HDAC4: variants seen among roughly 807,000 people sequenced by gnomAD.
HDAC4 encodes histone deacetylase 4.
HDAC4 carries 16 observed loss-of-function variants against 135.1 expected under a neutral mutation model. That is an observed-to-expected ratio of 0.12 (90% CI 0.08 to 0.18). The LOEUF (loss-of-function observed/expected upper bound fraction) is 0.18, where lower values mean the gene tolerates loss of function less well. HDAC4 is among the 10% of genes least tolerant of loss of function. The pLI is 1.00. For synonymous variants in HDAC4, 685 were observed against 653.4 expected (o/e 1.05, Z -0.74); for missense variants, 1,143 against 1,511.8 (o/e 0.76, Z 4.05).
chr2:239,204,089 G>C (rs1253143150), intron 3 of HDAC4, among the ~76,000 whole-genome samples: 1 of 152,186 alleles, frequency 6.6e-6, no homozygotes, highest in East Asian at 1.9e-4. Context: ...GAACAATGAA[G>C]CAGATTCTGG....
chr2:239,223,661 T>G (rs2047086572), intron 3 of HDAC4, among the ~76,000 whole-genome samples: 1 of 152,022 alleles, frequency 6.6e-6, no homozygotes, highest in Non-Finnish European at 1.5e-5. Flanking sequence ...GCCATCAGTG[T>G]CCTCATCATT....
chr2:239,168,764 C>T (rs1182019026), intron 5 of HDAC4, among the ~76,000 whole-genome samples: 4 of 152,206 alleles, frequency 2.6e-5, no homozygotes, highest in Admixed American at 1.3e-4. Flanking sequence ...CAGGGGCCTG[C>T]GGCCCTGCGT....
intron 3 of HDAC4, among the ~76,000 whole-genome samples, chr2:239,195,662 C>A (rs991319589): frequency 6.6e-6 from 1 of 152,190 alleles, no homozygotes; most frequent in African/African-American, 2.4e-5. Context: ...ACAATAAAAC[C>A]TTCTCTCCTT....
chr2:239,291,902 T>C (rs2051526743), intron 2 of HDAC4, among the ~76,000 whole-genome samples: 1 of 152,198 alleles, frequency 6.6e-6, no homozygotes, highest in Admixed American at 6.5e-5. Context: ...GAACCTTTGT[T>C]TGCAAGAGTT....
At chr2:239,325,042 A>C (rs1372153038) in intron 2 of HDAC4, among the ~76,000 whole-genome samples, 1 of 152,258 alleles carries the variant, frequency 6.6e-6, no homozygotes, top group South Asian at 2.1e-4. Flanking sequence ...TGCCACAGGC[A>C]AAGGAATGAA....
At chr2:239,396,768 T>C (rs765660079) in intron 1 of HDAC4, among the ~76,000 whole-genome samples, 2 of 152,226 alleles carry the variant, frequency 1.3e-5, no homozygotes, top group African/African-American at 2.4e-5. Flanking sequence ...TTCTTTAAGG[T>C]TTCTGGGTTG....
rs1176624280 is a variant in HDAC4, at chr2:239,262,333, C to CA, written c.23-25670dup. Among the ~76,000 whole-genome samples the CA allele has an allele frequency of 2.0e-5, 3 of 152,194 alleles. No individual in the cohort carries two copies. The highest frequency in any genetic ancestry group is 4.8e-5 in the African/African-American group (2 of 41,432). Reference sequence around the variant, plus strand: ...AGACCACAATAACACACTTTAGAAACAGAGTAGCAATTTGGTTCTCTGCGG... The same window carrying CA: ...AGACCACAATAACACACTTTAGAAACAAGAGTAGCAATTTGGTTCTCTGCGG... On this transcript the variant is annotated intron_variant, in intron 2 of 26. Transcript: ENST00000543185. This position sits in a 1 kb window ranked among gnomAD's most constrained non-coding sequence, Gnocchi z 4.1.
At chr2:239,105,705 C>T (rs542453423) in intron 15 of HDAC4, among the ~76,000 whole-genome samples, 3 of 152,294 alleles carry the variant, frequency 2.0e-5, no homozygotes, top group African/African-American at 4.8e-5. Flanking sequence ...GCCTGGGCTT[C>T]GGTCTTGCTG....
At chr2:239,174,103 A>G (rs1257729496) in intron 5 of HDAC4, among the ~76,000 whole-genome samples, 1 of 152,224 alleles carries the variant, frequency 6.6e-6, no homozygotes, top group East Asian at 1.9e-4. Flanking sequence ...GAGATAATTA[A>G]AGAGGATGTA....
chr2:239,196,447 G>A (rs1423346783), intron 3 of HDAC4, among the ~76,000 whole-genome samples: 1 of 152,228 alleles, frequency 6.6e-6, no homozygotes, highest in Admixed American at 6.5e-5. Flanking sequence ...AATAACATCT[G>A]CATATATGTG....
rs1446572497 is a variant in HDAC4, at chr2:239,156,676, C to T, written c.709G>A (p.Asp237Asn). 1.9e-6 allele frequency: 3 copies of T among 1,614,054 alleles called. No individual in the cohort carries two copies. Among genetic ancestry groups the T allele is most frequent in the East Asian group, 2.2e-5 (1 of 44,884 alleles). ...HPVLGMYDAK[D>N]DFPLRKTASE... is the part of the protein sequence containing the mutation. ...CCTGTTTTCCTAAGAGGGAAGTCAT[C>T]TTTGGCGTCGTACATTCCCAGGACC... Residue 237 changes from aspartate (D) to asparagine (N), a missense_variant, in exon 7 of 27, where the codon GAT becomes AAT. By Grantham distance (23) the Asp-to-Asn change is conservative (BLOSUM62 1). Around this residue, in one of 9 missense-constraint regions of HDAC4, gnomAD observed 247 missense variants for 310.0 expected, o/e 0.80. Transcript: ENST00000543185.
chr2:239,205,101 C>T (rs1559223651), intron 3 of HDAC4, among the ~76,000 whole-genome samples: 1 of 152,206 alleles, frequency 6.6e-6, no homozygotes, highest in Non-Finnish European at 1.5e-5. Context: ...ACGTGGCTGG[C>T]AGGTGGCAAG....
chr2:239,160,783 C>T (rs188929289), intron 6 of HDAC4, among the ~76,000 whole-genome samples: 81 of 152,362 alleles, frequency 5.3e-4, no homozygotes, highest in African/African-American at 1.8e-3. Flanking sequence ...CGTAAGATGA[C>T]GACTCGTCGT....
At position 239,248,429 on chromosome 2, in the gene HDAC4, C is replaced by T. The variant is rs186187968; in HGVS notation, c.23-11765G>A. On this transcript the variant is annotated intron_variant, in intron 2 of 26. Transcript: ENST00000543185. ...ATCTCCTGACCTCATGATCCGCAGC[C>T]TCAACCTCCCAAAGTGCTGGGATTA... is the stretch of plus-strand genomic sequence containing the variant. Among the ~76,000 whole-genome samples, 227 of 152,238 alleles carry T rather than the reference C, an allele frequency of 1.5e-3. 2 individuals carry two copies. Among genetic ancestry groups the T allele is most frequent in the African/African-American group, 5.2e-3 (214 of 41,526 alleles).
chr2:239,094,783 GCC>G (rs937118633), intron 17 of HDAC4: 34 of 1,404,930 alleles, frequency 2.4e-5, no homozygotes, highest in Non-Finnish European at 3.2e-5. Context: ...GCACCCCAGA[GCC>G]CCAGCCACCT....
chr2:239,343,128 G>A (rs942619359), intron 2 of HDAC4, among the ~76,000 whole-genome samples: 3 of 152,154 alleles, frequency 2.0e-5, no homozygotes, highest in Admixed American at 6.5e-5. Context: ...AAAGCTCAGG[G>A]CCAGATATAA....
At chr2:239,300,316 T>C (rs965914698) in intron 2 of HDAC4, among the ~76,000 whole-genome samples, 25 of 152,246 alleles carry the variant, frequency 1.6e-4, no homozygotes, top group African/African-American at 5.3e-4. Flanking sequence ...GCGCTGTAGG[T>C]AGCTACTGGC....
Position 239,245,506 on chromosome 2 carries a change from A to C in HDAC4, c.23-8842T>G, listed in dbSNP as rs115545421. Among the ~76,000 whole-genome samples the C allele has an allele frequency of 0.034, 5,194 of 152,282 alleles. 139 individuals are homozygous for C. Among genetic ancestry groups the C allele is most frequent in the Non-Finnish European group, 0.051 (3,463 of 68,014 alleles). On this transcript the variant is annotated intron_variant, in intron 2 of 26. Coordinates refer to ENST00000543185, the MANE Select transcript of HDAC4 (RefSeq NM_001378414.1). The surrounding 1 kb of genome is among the most constrained non-coding windows in gnomAD (Gnocchi z 4.4). ...GTAGGAATCATGATTCCTTCTGCTG[A>C]GTGTGATAATGGGGTTGGATCTGTT...
At chr2:239,399,703 A>T (rs1484393362) in intron 1 of HDAC4, among the ~76,000 whole-genome samples, 1 of 152,164 alleles carries the variant, frequency 6.6e-6, no homozygotes, top group Non-Finnish European at 1.5e-5. Flanking sequence ...AACAGAGAAA[A>T]ACGGGGCGGC....
Sources: allele counts gnomAD v4.1 joint callset (sites outside exome capture counted in the v4.1 genomes callset), GRCh38; gene constraint gnomAD v4.1.1; regional missense constraint gnomAD v4.1.1; non-coding constraint Gnocchi (gnomAD v3.1); transcripts MANE v1.5; gene names NCBI Gene and HGNC (gene_info 2026-07-23, HGNC 2026-07-21).